SH3BGR: variants seen among roughly 807,000 people sequenced by gnomAD.
The protein encoded by SH3BGR is SH3 domain binding glutamate rich protein, also known as SH3 domain-binding glutamic acid-rich protein.
A neutral mutation model predicts 24.5 loss-of-function variants in SH3BGR; 29 were observed. That is an observed-to-expected ratio of 1.18 (90% CI 0.88 to 1.61). The LOEUF (loss-of-function observed/expected upper bound fraction) is 1.61, where lower values mean the gene tolerates loss of function less well. SH3BGR is among the 40% of genes most tolerant of loss of function. The pLI is 0.00. For missense variants in SH3BGR, 162 were observed against 205.8 expected, an observed-to-expected ratio of 0.79 and a Z score of 1.30; for synonymous variants, 55 against 65.7, an observed-to-expected ratio of 0.84 and a Z score of 0.79.
At chr21:39,496,387 C>T (rs1340877160) in intron 3 of SH3BGR, among the ~76,000 whole-genome samples, 2 of 151,626 alleles carry the variant, frequency 1.3e-5, no homozygotes, top group Admixed American at 6.6e-5. Context: ...GTAGTCCCAG[C>T]TACTCGGGAG....
intron 2 of SH3BGR, among the ~76,000 whole-genome samples, chr21:39,474,030 CA>C (rs2077987244): frequency 6.6e-6 from 1 of 152,088 alleles, no homozygotes; most frequent in South Asian, 2.1e-4. Flanking sequence ...TGTAGTGGCA[CA>C]ATCACAGCTC....
intron 6 of SH3BGR, among the ~76,000 whole-genome samples, chr21:39,514,621 C>T (rs763943715): frequency 3.9e-5 from 6 of 152,170 alleles, no homozygotes; most frequent in Non-Finnish European, 7.3e-5. Context: ...CTTGGCCTCC[C>T]AAAGTGTTGG....
chr21:39,500,837 G>T (rs1344924464), intron 4 of SH3BGR, among the ~76,000 whole-genome samples: 1 of 152,092 alleles, frequency 6.6e-6, no homozygotes, highest in African/African-American at 2.4e-5. Context: ...ATGGAAAAAG[G>T]GGTGTGGGGC....
At chr21:39,482,923 G>A (rs1162588006) in intron 3 of SH3BGR, among the ~76,000 whole-genome samples, 1 of 152,162 alleles carries the variant, frequency 6.6e-6, no homozygotes, top group African/African-American at 2.4e-5. Flanking sequence ...TCCCACCTTG[G>A]CCTCCCAAAG....
intron 4 of SH3BGR, 95 bp downstream of exon 4, chr21:39,500,010 C>A: frequency 1.1e-6 from 1 of 873,844 alleles, no homozygotes; most frequent in Non-Finnish European, 1.9e-6. Context: ...CACAAGCAGT[C>A]AGAAAGAGGG....
chr21:39,456,863 T>C (rs1217966795), intron 1 of SH3BGR, among the ~76,000 whole-genome samples: 1 of 152,192 alleles, frequency 6.6e-6, no homozygotes, highest in Non-Finnish European at 1.5e-5. Flanking sequence ...AAGTGTTGTG[T>C]TGTGGCAAAC....
intron 4 of SH3BGR, among the ~76,000 whole-genome samples, chr21:39,501,205 T>G (rs919259908): frequency 1.3e-5 from 2 of 152,224 alleles, no homozygotes; most frequent in African/African-American, 2.4e-5. Context: ...TTGCTTCTTT[T>G]AAGACATAGA....
At chr21:39,462,133 G>A (rs1241728644) in intron 1 of SH3BGR, among the ~76,000 whole-genome samples, 2 of 152,180 alleles carry the variant, frequency 1.3e-5, no homozygotes, top group East Asian at 1.9e-4. Flanking sequence ...ACAGGTGTGA[G>A]CCATCGCACC....
intron 4 of SH3BGR, among the ~76,000 whole-genome samples, chr21:39,501,244 C>T (rs536639700): frequency 3.9e-5 from 6 of 152,282 alleles, no homozygotes; most frequent in Admixed American, 2.0e-4. Flanking sequence ...TACACCCCAG[C>T]CCCTTTCTCC....
At position 39,511,880 on chromosome 21, in the gene SH3BGR, T is replaced by G. The variant is rs2078702762; in HGVS notation, c.*34+71T>G. On this transcript the variant is annotated intron_variant, in intron 6 of 6. Transcript: ENST00000333634. This position sits in a 1 kb window ranked among gnomAD's most constrained non-coding sequence, Gnocchi z 4.2. ...GTATGCTATCTGCGGCACATTTTGCTTAGTAACAGGAGAAAGGGAATTCCA... is the reference window on the plus strand; with the variant it reads ...GTATGCTATCTGCGGCACATTTTGCGTAGTAACAGGAGAAAGGGAATTCCA... The G allele has an allele frequency of 5.7e-6, 8 of 1,397,886 alleles. No homozygotes were observed. In the African/African-American group the frequency reaches 1.2e-4, roughly 20 times the overall value. 86.6% of individuals were successfully genotyped at this position (1,397,886 alleles called of 1,614,324 possible). A position where few individuals can be genotyped will look rare whatever the true frequency, so the allele number is the denominator to read the frequency against.
intron 3 of SH3BGR, among the ~76,000 whole-genome samples, chr21:39,487,523 C>T (rs1232153215): frequency 2.0e-5 from 3 of 152,140 alleles, no homozygotes; most frequent in Non-Finnish European, 2.9e-5. Flanking sequence ...CTTATACATC[C>T]CAGCGAGGGC....
chr21:39,509,912 TCAAAAGAAA>T (rs2078647303), intron 5 of SH3BGR, among the ~76,000 whole-genome samples: 1 of 152,066 alleles, frequency 6.6e-6, no homozygotes, highest in Non-Finnish European at 1.5e-5. Context: ...GTCCCAAATG[TCAAAAGAAA>T]TCCCCCCAAA....
chr21:39,457,023 ATATT>A (rs2077666838), intron 1 of SH3BGR, among the ~76,000 whole-genome samples: 3 of 149,374 alleles, frequency 2.0e-5, no homozygotes, highest in Admixed American at 2.0e-4. Flanking sequence ...TTTATAATAT[ATATT>A]GACTGTCAAT....
chr21:39,457,472 A>G (rs931247096), intron 1 of SH3BGR, among the ~76,000 whole-genome samples: 15 of 144,618 alleles, frequency 1.0e-4, no homozygotes, highest in Non-Finnish European at 3.0e-5. Flanking sequence ...TATATATTAT[A>G]TAGTTATATA....
chr21:39,448,933 T>C (rs1156999984), upstream of SH3BGR, among the ~76,000 whole-genome samples: 3 of 147,744 alleles, frequency 2.0e-5, no homozygotes, highest in African/African-American at 5.1e-5. Context: ...ACAACTCCAG[T>C]TGGACAAAGG....
chr21:39,501,144 G>A (rs943518474), intron 4 of SH3BGR, among the ~76,000 whole-genome samples: 8 of 152,154 alleles, frequency 5.3e-5, no homozygotes, highest in African/African-American at 1.9e-4. Context: ...CTTTGCATGA[G>A]TTGCCTAATG....
At chr21:39,449,149 A>C (rs1001599836), upstream of SH3BGR, among the ~76,000 whole-genome samples, 1 of 152,214 alleles carries the variant, frequency 6.6e-6, no homozygotes, top group Non-Finnish European at 1.5e-5. Context: ...TACCCACTGC[A>C]CACATGCCTG....
intron 4 of SH3BGR, among the ~76,000 whole-genome samples, chr21:39,503,519 A>T (rs1032175040): frequency 6.6e-6 from 1 of 152,220 alleles, no homozygotes; most frequent in Non-Finnish European, 1.5e-5. Context: ...GGCAATGTTC[A>T]GTTGAGTGAT....
chr21:39,508,953 ACTT>A (rs767974250), intron 4 of SH3BGR, 42 bp from the exon 5 acceptor site: 1 of 1,424,410 alleles, frequency 7.0e-7, no homozygotes, highest in Non-Finnish European at 9.7e-7. Context: ...CTTTAAACGT[ACTT>A]GAATTATGTT....
Sources: allele counts gnomAD v4.1 joint callset (sites outside exome capture counted in the v4.1 genomes callset), GRCh38; gene constraint gnomAD v4.1.1; non-coding constraint Gnocchi (gnomAD v3.1); transcripts MANE v1.5; gene names NCBI Gene and HGNC (gene_info 2026-07-23, HGNC 2026-07-21).